CFAP97: variants seen among roughly 807,000 people sequenced by gnomAD.
The protein encoded by CFAP97 is cilia- and flagella-associated protein 97.
In CFAP97, 36 loss-of-function variants were observed where a neutral mutation model predicts 43.1. The ratio of observed to expected loss-of-function variants is 0.84; its 90% confidence interval spans 0.64 to 1.10. The LOEUF is 1.10. CFAP97 is among the 50% of genes least tolerant of loss of function. CFAP97 has a pLI of 0.00. For missense variants in CFAP97, 657 were observed against 620.3 expected (o/e 1.06, Z -0.63); for synonymous variants, 228 against 225.7 (o/e 1.01, Z -0.09).
At chr4:185,192,733 C>CTTTTTTTTTTTTTTTTTT (rs760026667) in intron 1 of CFAP97, among the ~76,000 whole-genome samples, 3 of 81,420 alleles carry the variant, frequency 3.7e-5, no homozygotes, top group African/African-American at 1.1e-4. Flanking sequence ...AATTGACCTT[C>CTTTTTTTTTTTTTTTTTT]TTTTTTTTTT....
At chr4:185,206,682 AG>A (rs1303374654), upstream of CFAP97, among the ~76,000 whole-genome samples, 17 of 148,766 alleles carry the variant, frequency 1.1e-4, no homozygotes, top group Middle Eastern at 3.4e-3. Flanking sequence ...AAAAAAAAAA[AG>A]AATGGAAGAT....
intron 1 of CFAP97, among the ~76,000 whole-genome samples, chr4:185,197,133 C>G (rs1459018627): frequency 7.1e-6 from 1 of 141,612 alleles, no homozygotes. Context: ...AGACATGTAG[C>G]TTAAATTACA....
At chr4:185,163,344 T>C (rs1418360763) in intron 4 of CFAP97, among the ~76,000 whole-genome samples, 1 of 152,112 alleles carries the variant, frequency 6.6e-6, no homozygotes, top group Non-Finnish European at 1.5e-5. Flanking sequence ...TCTTGAGAGT[T>C]GAAGACTCAC....
chr4:185,179,018 T>C (rs1735674073), intron 2 of CFAP97, among the ~76,000 whole-genome samples: 1 of 152,008 alleles, frequency 6.6e-6, no homozygotes, highest in South Asian at 2.1e-4. Flanking sequence ...TAAAAAGAAC[T>C]GGCCAGTTTT....
intron 1 of CFAP97, 120 bp from the exon 2 acceptor site, chr4:185,191,332 TATAAAA>T: frequency 1.4e-6 from 1 of 700,036 alleles, no homozygotes. Flanking sequence ...AAAGAAACAT[TATAAAA>T]ACAACAACAA....
intron 1 of CFAP97, among the ~76,000 whole-genome samples, chr4:185,196,505 G>GT (rs1172090774): frequency 6.6e-6 from 1 of 151,664 alleles, no homozygotes; most frequent in Non-Finnish European, 1.5e-5. Context: ...TATTATAAGA[G>GT]TAAGTTTCAT....
At position 185,179,570 on chromosome 4, in the gene CFAP97, G is replaced by A. The variant is rs757691282; in HGVS notation, c.1055-3519C>T. 2.0e-5 allele frequency among the ~76,000 whole-genome samples: 3 copies of A among 152,240 alleles called. No individual in the cohort carries two copies. In the South Asian group the frequency reaches 6.2e-4, roughly 32 times the overall value. ...TCCAACTACCCTATGGCTGAGACGT[G>A]AGGAAGCCAGGCCACATGGAGAACC... On this transcript the variant is annotated intron_variant, in intron 2 of 4. Coordinates refer to ENST00000458385, the MANE Select transcript of CFAP97 (RefSeq NM_020827.3).
At chr4:185,205,257 C>T (rs1400382381), upstream of CFAP97, among the ~76,000 whole-genome samples, 1 of 152,176 alleles carries the variant, frequency 6.6e-6, no homozygotes, top group African/African-American at 2.4e-5. Context: ...AGTTCAAGAC[C>T]AGCCTGACTA....
chr4:185,189,436 A>C (rs1736136088), intron 2 of CFAP97, among the ~76,000 whole-genome samples: 1 of 152,184 alleles, frequency 6.6e-6, no homozygotes, highest in African/African-American at 2.4e-5. Context: ...TTTATCATCA[A>C]CGGACCTAAA....
chr4:185,199,060 A>AT (rs772874864), intron 1 of CFAP97, among the ~76,000 whole-genome samples: 2 of 152,218 alleles, frequency 1.3e-5, no homozygotes, highest in South Asian at 4.2e-4. Context: ...GCCCGTGCTC[A>AT]TTTACCATTT....
chr4:185,175,635 C>A, intron 3 of CFAP97, 151 bp downstream of exon 3: 1 of 683,776 alleles, frequency 1.5e-6, no homozygotes, highest in South Asian at 1.9e-5. Context: ...TCCGGACTTA[C>A]AGCACATCAT....
chr4:185,206,804 G>A (rs1051484298), upstream of CFAP97, among the ~76,000 whole-genome samples: 1 of 152,122 alleles, frequency 6.6e-6, no homozygotes, highest in Non-Finnish European at 1.5e-5. Flanking sequence ...GAACTCTGAT[G>A]ATACACCCTT....
intron 2 of CFAP97, among the ~76,000 whole-genome samples, chr4:185,176,774 C>CA (rs1317473920): frequency 1.3e-5 from 2 of 151,846 alleles, no homozygotes; most frequent in African/African-American, 4.8e-5. Flanking sequence ...GGCATACTTC[C>CA]AAAAAAATGT....
chr4:185,199,824 T>TGTTGA (rs1459000184), intron 1 of CFAP97, among the ~76,000 whole-genome samples: 2 of 124,630 alleles, frequency 1.6e-5, no homozygotes, highest in Non-Finnish European at 3.6e-5. Context: ...TGAGATCGAC[T>TGTTGA]GCTCAGACAA....
chr4:185,194,965 C>A (rs899286635), intron 1 of CFAP97, among the ~76,000 whole-genome samples: 2 of 152,012 alleles, frequency 1.3e-5, no homozygotes, highest in Admixed American at 1.3e-4. Context: ...TCAGACACAC[C>A]CAGACTCAAA....
chr4:185,203,085 C>T (rs1246213024), intron 1 of CFAP97, among the ~76,000 whole-genome samples: 2 of 152,008 alleles, frequency 1.3e-5, no homozygotes, highest in Non-Finnish European at 1.5e-5. Flanking sequence ...CTGTAATCCC[C>T]GGACTTTGGG....
At chr4:185,163,989 A>G (rs927913326) in intron 4 of CFAP97, 40 bp downstream of exon 4, 5 of 1,568,080 alleles carry the variant, frequency 3.2e-6, no homozygotes, top group Non-Finnish European at 4.4e-6. Context: ...AAAAGGATAC[A>G]AGATACAAAT....
At chr4:185,184,537 C>A (rs1186772226) in intron 2 of CFAP97, among the ~76,000 whole-genome samples, 1 of 152,146 alleles carries the variant, frequency 6.6e-6, no homozygotes, top group Non-Finnish European at 1.5e-5. Flanking sequence ...AAGGTGAACA[C>A]TGAAAACGGC....
At chr4:185,199,308 T>C (rs1047191388) in intron 1 of CFAP97, among the ~76,000 whole-genome samples, 1 of 151,958 alleles carries the variant, frequency 6.6e-6, no homozygotes, top group African/African-American at 2.4e-5. Flanking sequence ...AGGAGGCAGG[T>C]TGCAGTGAGC....
Sources: gnomAD v4.1 joint callset for allele counts (sites outside exome capture counted in the v4.1 genomes callset) on GRCh38, gnomAD v4.1.1 for gene constraint, MANE v1.5 for transcripts, NCBI Gene and HGNC (gene_info 2026-07-23, HGNC 2026-07-21) for gene names.